The following CACNA1A variants were observed in gnomAD, a reference collection of about 807,000 sequenced individuals.
CACNA1A encodes the protein calcium voltage-gated channel subunit alpha1 A.
CACNA1A carries 57 observed loss-of-function variants against 262.4 expected under a neutral mutation model. That is an observed-to-expected ratio of 0.22 (90% CI 0.18 to 0.27). The LOEUF is 0.27. Ranked by LOEUF, CACNA1A falls within the 10% of genes least tolerant of loss-of-function variation. The pLI, the probability that CACNA1A is intolerant of heterozygous loss-of-function variation, is 1.00. For missense variants in CACNA1A, 2,526 were observed against 3,562.8 expected (o/e 0.71, Z 7.41); for synonymous variants, 1,431 against 1,419.3 (o/e 1.01, Z -0.18).
chr19:13,267,832 G>A (rs891121597), intron 24 of CACNA1A, among the ~76,000 whole-genome samples: 3 of 151,870 alleles, frequency 2.0e-5, no homozygotes, highest in African/African-American at 4.8e-5. Flanking sequence ...CCAGGCTGCA[G>A]TGCAGTAGCG....
intron 3 of CACNA1A, among the ~76,000 whole-genome samples, chr19:13,426,682 GCAAC>G (rs1410657490): frequency 6.6e-6 from 1 of 152,304 alleles, no homozygotes; most frequent in East Asian, 1.9e-4. Flanking sequence ...AGCTAAAGAG[GCAAC>G]TGGTAAGCTG....
At chr19:13,310,035 C>T (rs1165562242) in intron 12 of CACNA1A, among the ~76,000 whole-genome samples, 1 of 152,178 alleles carries the variant, frequency 6.6e-6, no homozygotes. Context: ...TATGGATTTG[C>T]CTGCTCTGGA....
chr19:13,245,039 T>G lies in CACNA1A; in HGVS notation c.4950+143A>C. 4.3e-6 allele frequency: 3 copies of G among 695,170 alleles called. No individual in the cohort carries two copies. The South Asian group carries it at 5.2e-5, about 12-fold the overall frequency. The allele number at this position is 695,170 out of a possible 1,614,324, so 43.1% of individuals were successfully genotyped here. ...CTGCCCTTGTCCCCGGGGCCCCAGT[T>G]CTCCCTCTCTGGTCATGGCCAAGTG... On this transcript the variant is annotated intron_variant, in intron 31 of 46. Coordinates refer to ENST00000360228, the MANE Select transcript of CACNA1A (RefSeq NM_001127222.2).
At position 13,207,521 on chromosome 19, in the gene CACNA1A, G is replaced by T; in HGVS notation, c.7313C>A (p.Pro2438His). 1 of 1,436,638 alleles carries T rather than the reference G, an allele frequency of 7.0e-7. No individual in the cohort carries two copies. The highest frequency in any genetic ancestry group is 9.1e-7 in the Non-Finnish European group (1 of 1,097,294). 89.0% of individuals were successfully genotyped at this position (1,436,638 alleles called of 1,614,324 possible). ...GCCCGAGGACGCGTGTCGTACGGGG[G>T]GTGGCGCGTCGTAGGCCCCGGCCAT... ...EAMAGAYDAP[P>H]PVRHASSGAT... is the part of the protein sequence containing the mutation. The change falls in exon 47 of 47, where the codon CCC (proline) becomes CAC (histidine). Residue 2438 changes from proline to histidine, a missense_variant. Pro to His is a moderately conservative substitution (Grantham distance 77). Coordinates refer to ENST00000360228, the MANE Select transcript of CACNA1A (RefSeq NM_001127222.2). This position sits in a 1 kb window ranked among gnomAD's most constrained non-coding sequence, Gnocchi z 5.7.
chr19:13,478,747 CTG>C (rs1978885232), intron 1 of CACNA1A, among the ~76,000 whole-genome samples: 2 of 152,320 alleles, frequency 1.3e-5, no homozygotes, highest in South Asian at 4.1e-4. Context: ...GATAAACAAA[CTG>C]TGGTTATTTC....
intron 12 of CACNA1A, among the ~76,000 whole-genome samples, chr19:13,310,518 A>ATATATATAT (rs1568521613): frequency 8.7e-6 from 1 of 115,262 alleles, no homozygotes; most frequent in African/African-American, 3.3e-5. Flanking sequence ...ATATATGTAG[A>ATATATATAT]GAGAGAGAGA....
chr19:13,243,110 G>A lies in CACNA1A; in HGVS notation c.4950+2072C>T, dbSNP rs78201108. On this transcript the variant is annotated intron_variant, in intron 31 of 46. Transcript: ENST00000360228. ...AGGGACATTGGTTCAAGGCTGTCTT[G>A]TATGTAGCCGGATGGCAAGATATTT... 1.4e-3 allele frequency among the ~76,000 whole-genome samples: 217 copies of A among 152,334 alleles called. 1 individual carries two copies. The highest frequency in any genetic ancestry group is 2.3e-3 in the Non-Finnish European group (156 of 68,030).
chr19:13,438,112 T>G (rs1188140446), intron 3 of CACNA1A, among the ~76,000 whole-genome samples: 5 of 152,022 alleles, frequency 3.3e-5, no homozygotes, highest in Admixed American at 1.3e-4. Context: ...TTGCTGACAT[T>G]TTTTCCTCCT....
At position 13,415,743 on chromosome 19, in the gene CACNA1A, T is replaced by TAAAAAAAAAAAAAAAAAAA; in HGVS notation, c.539+37114_539+37132dup. Among the ~76,000 whole-genome samples, 221 of 42,508 alleles carry TAAAAAAAAAAAAAAAAAAA rather than the reference T, an allele frequency of 5.2e-3. 26 individuals carry two copies. The highest frequency in any genetic ancestry group is 7.0e-3 in the Non-Finnish European group (164 of 23,324). The allele number at this position is 42,508 out of a possible 152,430, so 27.9% of individuals were successfully genotyped here. ...CAACAGAGCGAGACTCTGTCTCAAT[T>TAAAAAAAAAAAAAAAAAAA]AAAAAAAAAAAAAAAAAAAAAAAAA... is the stretch of plus-strand genomic sequence containing the variant. On this transcript the variant is annotated intron_variant, in intron 3 of 46. Transcript: ENST00000360228.
In CACNA1A at chr19:13,210,594, C is replaced by T. The variant is rs779794786; in HGVS notation, c.6339+23G>A. 32 of 1,555,766 alleles carry T rather than the reference C, an allele frequency of 2.1e-5. No homozygotes were observed. In the East Asian group the frequency reaches 2.2e-4, roughly 11 times the overall value. ...AAGAGGGGGCCGGAGCCCTGCTGGG[C>T]GCTGGGCAGGCGCGGTACATACACT... On this transcript the variant is annotated intron_variant, in intron 44 of 46. Coordinates refer to ENST00000360228, the MANE Select transcript of CACNA1A (RefSeq NM_001127222.2).
At chr19:13,243,725 T>G (rs1440377834) in intron 31 of CACNA1A, 2 of 152,030 alleles carry the variant, frequency 1.3e-5, no homozygotes, top group Non-Finnish European at 2.9e-5. Context: ...CCTGGCTAAT[T>G]TTTTTGTATT....
At chr19:13,411,770 G>A (rs566531087) in intron 3 of CACNA1A, among the ~76,000 whole-genome samples, 1 of 151,662 alleles carries the variant, frequency 6.6e-6, no homozygotes, top group East Asian at 1.9e-4. Context: ...GAAGCACAAT[G>A]GTGCAACTAC....
chr19:13,392,516 G>C (rs1422412078), intron 3 of CACNA1A, among the ~76,000 whole-genome samples: 2 of 152,210 alleles, frequency 1.3e-5, no homozygotes, highest in Non-Finnish European at 2.9e-5. Context: ...AAATGAACAA[G>C]TGCATTACAT....
At chr19:13,232,613 C>A (rs1418959705) in intron 34 of CACNA1A, among the ~76,000 whole-genome samples, 1 of 151,792 alleles carries the variant, frequency 6.6e-6, no homozygotes, top group Non-Finnish European at 1.5e-5. Context: ...CACCTGTAGT[C>A]TCAGCTACTT....
chr19:13,303,741 C>T, intron 16 of CACNA1A, 26 bp downstream of exon 16: 3 of 1,581,150 alleles, frequency 1.9e-6, no homozygotes, highest in Non-Finnish European at 2.6e-6. Context: ...CAGGCCTGTC[C>T]CCTTCTCTCT....
chr19:13,397,163 C>G (rs556722908), intron 3 of CACNA1A, among the ~76,000 whole-genome samples: 2 of 152,138 alleles, frequency 1.3e-5, no homozygotes, highest in Non-Finnish European at 2.9e-5. Flanking sequence ...AGCTGCCCAC[C>G]TGAAGACCTT....
chr19:13,390,566 T>A (rs2059693863), intron 3 of CACNA1A, among the ~76,000 whole-genome samples: 1 of 152,208 alleles, frequency 6.6e-6, no homozygotes, highest in East Asian at 1.9e-4. Context: ...GTTTTAAATT[T>A]CATTTAATTC....
chr19:13,486,139 C>T (rs180815053), intron 1 of CACNA1A, among the ~76,000 whole-genome samples: 86 of 152,270 alleles, frequency 5.6e-4, no homozygotes, highest in African/African-American at 2.0e-3. Flanking sequence ...CTTCAGGATG[C>T]GTACTTAGGT....
At chr19:13,435,280 A>ATTTT (rs763650240) in intron 3 of CACNA1A, among the ~76,000 whole-genome samples, 1 of 141,304 alleles carries the variant, frequency 7.1e-6, no homozygotes, top group African/African-American at 2.6e-5. Context: ...TGCCTGGCTA[A>ATTTT]TTTTTTTTTT....
Sources: gnomAD v4.1 joint callset for allele counts (sites outside exome capture counted in the v4.1 genomes callset) on GRCh38, gnomAD v4.1.1 for gene constraint, Gnocchi (gnomAD v3.1) non-coding constraint, MANE v1.5 for transcripts, NCBI Gene and HGNC (gene_info 2026-07-23, HGNC 2026-07-21) for gene names.